Variants in SH3RF2 observed in about 807,000 individuals in gnomAD.
SH3RF2 encodes the protein E3 ubiquitin-protein ligase SH3RF2.
In SH3RF2, 43 loss-of-function variants were observed where a neutral mutation model predicts 59.0. The observed-to-expected ratio is 0.73, with a 90% CI of 0.57 to 0.94. The LOEUF (loss-of-function observed/expected upper bound fraction) is 0.94. Among genes scored for constraint, SH3RF2 ranks in the 40% least tolerant of loss-of-function variants. SH3RF2 has a pLI of 0.00. For synonymous variants in SH3RF2, 391 were observed against 391.5 expected (o/e 1.00, Z 0.01); for missense variants, 930 against 940.1 (o/e 0.99, Z 0.14).
intron 2 of SH3RF2, among the ~76,000 whole-genome samples, chr5:145,972,996 T>C (rs1759146819): frequency 6.6e-6 from 1 of 152,092 alleles, no homozygotes; most frequent in Non-Finnish European, 1.5e-5. Flanking sequence ...GACAGACATG[T>C]AAACAGTCAA....
intron 5 of SH3RF2, among the ~76,000 whole-genome samples, chr5:146,029,565 G>A (rs998557618): frequency 2.0e-5 from 3 of 152,154 alleles, no homozygotes; most frequent in Non-Finnish European, 2.9e-5. Context: ...TGCTGGGCTC[G>A]GGGTACATCT....
intron 9 of SH3RF2, among the ~76,000 whole-genome samples, chr5:146,073,228 G>A (rs1047060136): frequency 5.3e-5 from 8 of 152,182 alleles, no homozygotes; most frequent in Admixed American, 6.5e-5. Flanking sequence ...CATAATCCTC[G>A]TCAGTCTTTT....
intron 2 of SH3RF2, among the ~76,000 whole-genome samples, chr5:145,972,471 C>A (rs1759124731): frequency 6.6e-6 from 1 of 152,220 alleles, no homozygotes; most frequent in South Asian, 2.1e-4. Flanking sequence ...CTACCACCAC[C>A]ACCACCACCC....
Position 146,000,171 on chromosome 5 carries a change from G to C in SH3RF2, c.492G>C (p.Gln164His). 1 of 1,613,784 alleles carries C rather than the reference G, an allele frequency of 6.2e-7. No individual in the cohort carries two copies. The change falls in exon 3 of 10, where the codon CAG (glutamine) becomes CAC (histidine). Residue 164 changes from glutamine to histidine, a missense_variant. Coordinates refer to ENST00000359120, the MANE Select transcript of SH3RF2 (RefSeq NM_152550.4). Reference protein sequence around the residue: ...LRRQLDENWYQGEINGISGNF... With the variant: ...LRRQLDENWYHGEINGISGNF... ...GACAGCTTGATGAGAATTGGTACCA[G>C]GGGGAAATCAATGGCATCAGCGGGA...
At chr5:145,978,381 C>A (rs1185834418) in intron 2 of SH3RF2, among the ~76,000 whole-genome samples, 3 of 152,158 alleles carry the variant, frequency 2.0e-5, no homozygotes, top group Non-Finnish European at 4.4e-5. Flanking sequence ...CTTGGGATGG[C>A]CAACGCCCCA....
chr5:145,944,893 T>C (rs778475408), intron 2 of SH3RF2, among the ~76,000 whole-genome samples: 3 of 152,214 alleles, frequency 2.0e-5, no homozygotes, highest in Non-Finnish European at 4.4e-5. Context: ...AAACTCACTA[T>C]TGCCACCCTC....
At chr5:145,962,805 A>G (rs1320729597) in intron 2 of SH3RF2, among the ~76,000 whole-genome samples, 1 of 148,814 alleles carries the variant, frequency 6.7e-6, no homozygotes, top group Non-Finnish European at 1.5e-5. Context: ...TGTAACACCT[A>G]TCTCCCTTTA....
chr5:146,020,686 A>G (rs1175180571), intron 5 of SH3RF2, among the ~76,000 whole-genome samples: 1 of 152,166 alleles, frequency 6.6e-6, no homozygotes, highest in Non-Finnish European at 1.5e-5. Flanking sequence ...TCTTACCAAC[A>G]TGCGTAAGAT....
intron 2 of SH3RF2, among the ~76,000 whole-genome samples, chr5:145,946,384 AT>A (rs1236126616): frequency 2.6e-5 from 4 of 152,168 alleles, no homozygotes; most frequent in Admixed American, 6.5e-5. Flanking sequence ...CATATTAGGA[AT>A]TTTTTTTAAT....
chr5:145,986,290 C>T (rs560556471), intron 2 of SH3RF2, among the ~76,000 whole-genome samples: 1 of 152,274 alleles, frequency 6.6e-6, no homozygotes, highest in Admixed American at 6.5e-5. Flanking sequence ...GGTAGAGCAA[C>T]CAGAGCTTTG....
intron 9 of SH3RF2, among the ~76,000 whole-genome samples, chr5:146,061,518 A>G (rs1396941138): frequency 6.6e-6 from 1 of 152,210 alleles, no homozygotes; most frequent in African/African-American, 2.4e-5. Context: ...GGAGGATCAG[A>G]ACGTATGAAG....
chr5:145,986,427 C>T (rs1240534226), intron 2 of SH3RF2, among the ~76,000 whole-genome samples: 1 of 152,148 alleles, frequency 6.6e-6, no homozygotes, highest in Non-Finnish European at 1.5e-5. Context: ...CACCACGTGC[C>T]ACACCTATTG....
At chr5:146,020,294 A>G (rs908178806) in intron 5 of SH3RF2, among the ~76,000 whole-genome samples, 3 of 152,156 alleles carry the variant, frequency 2.0e-5, no homozygotes, top group African/African-American at 7.2e-5. Context: ...GCTGACACAC[A>G]CACGTGCATA....
intron 9 of SH3RF2, among the ~76,000 whole-genome samples, chr5:146,074,062 CAG>C (rs1763292799): frequency 9.7e-6 from 1 of 103,130 alleles, no homozygotes; most frequent in Admixed American, 1.0e-4. Flanking sequence ...TTTTTTGAGA[CAG>C]AGTCTCGCTC....
At chr5:145,940,716 A>G (rs1757783711) in intron 2 of SH3RF2, among the ~76,000 whole-genome samples, 2 of 152,228 alleles carry the variant, frequency 1.3e-5, no homozygotes, top group African/African-American at 4.8e-5. Context: ...TCATTTAGAC[A>G]TGCTGTATGA....
At chr5:145,964,307 T>G (rs566645409) in intron 2 of SH3RF2, among the ~76,000 whole-genome samples, 1 of 81,262 alleles carries the variant, frequency 1.2e-5, no homozygotes, top group African/African-American at 3.9e-5. Context: ...TTCCTTCCTT[T>G]CTTTCTTTTT....
chr5:146,068,832 A>G (rs1257719714), intron 9 of SH3RF2, among the ~76,000 whole-genome samples: 2 of 152,178 alleles, frequency 1.3e-5, no homozygotes, highest in African/African-American at 4.8e-5. Flanking sequence ...TTATTATTAA[A>G]TGCTTCACAC....
Position 146,069,315 on chromosome 5 carries a change from C to A in SH3RF2, c.*33+6581C>A, listed in dbSNP as rs189181931. On this transcript the variant is annotated intron_variant, in intron 9 of 9. Transcript: ENST00000511217. Reference sequence around the variant, plus strand: ...TTCCAACTACATCTGTTTTGGGAGACCTTGTTGCTTCTGAATGGGGAAATA... The same window carrying A: ...TTCCAACTACATCTGTTTTGGGAGAACTTGTTGCTTCTGAATGGGGAAATA... Among the ~76,000 whole-genome samples the A allele has an allele frequency of 4.9e-4, 74 of 152,244 alleles. 1 individual carries two copies. The East Asian group carries it at 0.013, about 26-fold the overall frequency.
At chr5:146,001,135 A>G (rs1048460282) in intron 3 of SH3RF2, among the ~76,000 whole-genome samples, 1 of 152,168 alleles carries the variant, frequency 6.6e-6, no homozygotes. Context: ...TCTCTTTTTC[A>G]TTAGATGATT....
Sources: gnomAD v4.1 joint callset for allele counts (sites outside exome capture counted in the v4.1 genomes callset) on GRCh38, gnomAD v4.1.1 for gene constraint, MANE v1.5 for transcripts, NCBI Gene and HGNC (gene_info 2026-07-23, HGNC 2026-07-21) for gene names.